Variants in SETDB2 observed in about 807,000 individuals in gnomAD.
SETDB2 encodes SET domain bifurcated histone lysine methyltransferase 2, also known as histone-lysine N-methyltransferase SETDB2.
SETDB2 carries 56 observed loss-of-function variants against 82.5 expected under a neutral mutation model. The ratio of observed to expected loss-of-function variants is 0.68; its 90% CI spans 0.55 to 0.85. The LOEUF (loss-of-function observed/expected upper bound fraction) is 0.85, where lower values mean the gene tolerates loss of function less well. SETDB2 is among the 40% of genes least tolerant of loss of function. The pLI, the probability that SETDB2 is intolerant of heterozygous loss-of-function variation, is 0.00. For missense variants in SETDB2, 677 were observed against 816.4 expected (o/e 0.83, Z 2.08); for synonymous variants, 272 against 284.9 (o/e 0.95, Z 0.46).
At chr13:49,455,175 T>C (rs1184638917) in intron 2 of SETDB2, among the ~76,000 whole-genome samples, 1 of 152,174 alleles carries the variant, frequency 6.6e-6, no homozygotes, top group African/African-American at 2.4e-5. Flanking sequence ...CAGTCTTCTG[T>C]GTTATATTAC....
chr13:49,466,799 A>G (rs990964408), intron 4 of SETDB2, among the ~76,000 whole-genome samples: 3 of 143,454 alleles, frequency 2.1e-5, no homozygotes, highest in African/African-American at 7.8e-5. Context: ...ATGCGCCACC[A>G]TGCCTGGCTA....
At chr13:49,462,656 A>G (rs1190603886) in intron 4 of SETDB2, among the ~76,000 whole-genome samples, 2 of 152,210 alleles carry the variant, frequency 1.3e-5, no homozygotes, top group Non-Finnish European at 2.9e-5. Flanking sequence ...GAAGTACAAT[A>G]TTTACTAGGT....
chr13:49,451,385 A>AT (rs1240715280), intron 1 of SETDB2, among the ~76,000 whole-genome samples, 168 bp from the exon 2 acceptor site: 1 of 149,810 alleles, frequency 6.7e-6, no homozygotes, highest in Non-Finnish European at 1.5e-5. Flanking sequence ...TACTTTACAT[A>AT]TTTTTTCCAG....
intron 11 of SETDB2, among the ~76,000 whole-genome samples, chr13:49,486,987 A>G (rs1958609801): frequency 1.3e-5 from 2 of 152,098 alleles, no homozygotes; most frequent in Non-Finnish European, 2.9e-5. Flanking sequence ...TGTGTATTAT[A>G]TTTATTTTAT....
intron 2 of SETDB2, among the ~76,000 whole-genome samples, chr13:49,452,879 A>G (rs988850349): frequency 1.3e-5 from 2 of 152,160 alleles, no homozygotes; most frequent in Non-Finnish European, 2.9e-5. Flanking sequence ...TCAAGGGTAC[A>G]TGCTGTCAGC....
intron 4 of SETDB2, among the ~76,000 whole-genome samples, chr13:49,462,481 G>A (rs1442797554): frequency 6.6e-6 from 1 of 152,168 alleles, no homozygotes; most frequent in African/African-American, 2.4e-5. Context: ...CTTGAAATTA[G>A]AAGGGTTTTA....
Position 49,476,977 on chromosome 13 carries a change from T to C in SETDB2, c.807T>C (p.Asn269=), listed in dbSNP as rs750612210. The C allele has an allele frequency of 3.0e-5, 49 of 1,613,158 alleles. 1 individual carries two copies. The South Asian group carries it at 4.8e-4, about 16-fold the overall frequency. The change falls in exon 6 of 14, where the codon AAT becomes AAC. Residue 269 remains asparagine (N), a synonymous_variant. Transcript: ENST00000611815. ...YRKTVWPRAY[N]LTNFSSMFTD... is the part of the protein sequence containing the mutation. ...AGACTGTGTGGCCTCGAGCATATAA[T>C]CTAACCAACTTTTCCAGCATGTTTA... is the stretch of plus-strand genomic sequence containing the variant.
intron 4 of SETDB2, among the ~76,000 whole-genome samples, chr13:49,467,337 G>A (rs1958136397): frequency 6.6e-6 from 1 of 152,090 alleles, no homozygotes. Flanking sequence ...AGAGGTTGCA[G>A]TGAGCCAAGA....
intron 4 of SETDB2, 52 bp downstream of exon 4, chr13:49,461,214 A>G (rs904263322): frequency 1.6e-6 from 2 of 1,268,320 alleles, no homozygotes; most frequent in East Asian, 2.3e-5. Flanking sequence ...TTTTCTTGCC[A>G]TGAAGCAGGA....
chr13:49,477,106 G>A (rs1249313732), intron 6 of SETDB2, 67 bp downstream of exon 6: 2 of 1,370,342 alleles, frequency 1.5e-6, no homozygotes, highest in African/African-American at 2.9e-5. Flanking sequence ...AAGAAGTCTT[G>A]CTATGTATTA....
In SETDB2 at chr13:49,468,002, C is replaced by T. The variant is rs769506968; in HGVS notation, c.305+42C>T. ...TTTGTTATTAATGCTTTTGCTCCTA[C>T]AGATTTCTTCTTTATAAATCACTTG... On this transcript the variant is annotated intron_variant, in intron 5 of 13. Coordinates refer to ENST00000611815, the MANE Select transcript of SETDB2 (RefSeq NM_001160308.3). 1.2e-5 allele frequency: 16 copies of T among 1,388,580 alleles called. No homozygotes were observed. The South Asian group carries it at 1.9e-4, about 17-fold the overall frequency. The allele number at this position is 1,388,580 out of a possible 1,614,324, so 86.0% of individuals were successfully genotyped here.
chr13:49,481,068 C>T lies in SETDB2; in HGVS notation c.1108C>T (p.Arg370Cys), dbSNP rs865843868. 7.4e-6 allele frequency: 12 copies of T among 1,613,910 alleles called. No homozygotes were observed. Among genetic ancestry groups the T allele is most frequent in the East Asian group, 2.2e-5 (1 of 44,888 alleles). ...AACTGAGCAGAAGGGATGGGGTGTA[C>T]GCTGTCTAGATGACATTGACAGAGG... The part of the protein sequence containing the change: ...FKTEQKGWGV[R>C]CLDDIDRGTF... The change falls in exon 8 of 14, where the codon CGC (arginine) becomes TGC (cysteine). Residue 370 changes from arginine (R) to cysteine (C), a missense_variant. Around this residue, in one of 3 missense-constraint regions of SETDB2, gnomAD observed 420 missense variants for 554.6 expected, o/e 0.76. Transcript: ENST00000611815.
In SETDB2 at chr13:49,482,777, T is replaced by G. The variant is rs1359028033; in HGVS notation, c.1197T>G (p.Gly399=). The G allele has an allele frequency of 6.2e-7, 1 of 1,612,516 alleles. No individual in the cohort carries two copies. The highest frequency in any genetic ancestry group is 1.1e-5 in the South Asian group (1 of 90,894). Residue 399 remains glycine, a synonymous_variant, in exon 9 of 14, where the codon GGT becomes GGG. Transcript: ENST00000611815. ...GAGCTAACACTGAAAAATCTTATGG[T>G]ATTGATGAAAACGGGAGAGATGAGA... ...LSRANTEKSY[G]IDENGRDENT...
chr13:49,477,940 C>T (rs914699275), intron 6 of SETDB2, among the ~76,000 whole-genome samples: 12 of 152,178 alleles, frequency 7.9e-5, no homozygotes, highest in Admixed American at 7.2e-4. Flanking sequence ...TATATTAAGA[C>T]TTTGAAAAAC....
chr13:49,474,194 A>G (rs1032496534), intron 5 of SETDB2, among the ~76,000 whole-genome samples: 2 of 152,212 alleles, frequency 1.3e-5, no homozygotes, highest in African/African-American at 4.8e-5. Context: ...GCTGGGAAGC[A>G]GAGGTTGCAG....
intron 5 of SETDB2, among the ~76,000 whole-genome samples, chr13:49,472,306 G>T (rs892116523): frequency 2.6e-5 from 4 of 152,080 alleles, no homozygotes; most frequent in African/African-American, 9.7e-5. Context: ...AGGATAGAAT[G>T]ACTTCTTACT....
At chr13:49,463,843 T>C (rs1291468456) in intron 4 of SETDB2, among the ~76,000 whole-genome samples, 1 of 152,138 alleles carries the variant, frequency 6.6e-6, no homozygotes, top group Non-Finnish European at 1.5e-5. Context: ...GTTGAGGGAG[T>C]GCTGGGAGAG....
intron 2 of SETDB2, among the ~76,000 whole-genome samples, chr13:49,454,016 T>C (rs1414529588): frequency 2.0e-5 from 3 of 152,156 alleles, no homozygotes; most frequent in Admixed American, 6.5e-5. Context: ...CATTTTAGTC[T>C]CCTCACCTTA....
At position 49,461,104 on chromosome 13, in the gene SETDB2, C is replaced by G; in HGVS notation, c.150C>G (p.Ile50Met). ...TTTTTCTGTCTTTAACAGAATACAT[C>G]CAAGCAATGATTCTAGTGAATGAAG... ...KDGSATNKEY[I>M]QAMILVNEAT... is the part of the protein sequence containing the mutation. Residue 50 changes from isoleucine (I) to methionine (M), a missense_variant, in exon 4 of 14, where the codon ATC (isoleucine) becomes ATG (methionine). By Grantham distance (10) the Ile-to-Met change is conservative. Transcript: ENST00000611815. The G allele has an allele frequency of 1.2e-6, 2 of 1,611,136 alleles. No homozygotes were observed. The highest frequency in any genetic ancestry group is 1.7e-6 in the Non-Finnish European group (2 of 1,177,818).
Sources: allele counts gnomAD v4.1 joint callset (sites outside exome capture counted in the v4.1 genomes callset), GRCh38; gene constraint gnomAD v4.1.1; regional missense constraint gnomAD v4.1.1; transcripts MANE v1.5; gene names NCBI Gene and HGNC (gene_info 2026-07-23, HGNC 2026-07-21).